Variants in ERICH3 observed in about 807,000 individuals in gnomAD.
ERICH3 encodes the protein glutamate-rich protein 3.
ERICH3 carries 126 observed loss-of-function variants against 131.1 expected under a neutral mutation model. The ratio of observed to expected loss-of-function variants is 0.96; its 90% confidence interval spans 0.83 to 1.11. ERICH3 has a LOEUF of 1.11. Ranked by LOEUF, ERICH3 falls within the 50% of genes most tolerant of loss-of-function variation. The pLI, the probability that ERICH3 is intolerant of heterozygous loss-of-function variation, is 0.00. For missense variants in ERICH3, 2,050 were observed against 1,810.7 expected (o/e 1.13, Z -2.40); for synonymous variants, 695 against 644.6 (o/e 1.08, Z -1.18).
chr1:74,607,447 T>G (rs1239279152), intron 9 of ERICH3, among the ~76,000 whole-genome samples: 1 of 152,024 alleles, frequency 6.6e-6, no homozygotes, highest in Non-Finnish European at 1.5e-5. Context: ...CTTACAAGAT[T>G]GGCTCTAAAT....
chr1:74,596,283 T>A (rs1647844959), intron 11 of ERICH3, among the ~76,000 whole-genome samples: 2 of 152,088 alleles, frequency 1.3e-5, no homozygotes, highest in Admixed American at 1.3e-4. Flanking sequence ...AATCTCAATC[T>A]GTCTAATCTT....
At chr1:74,643,852 CTTG>C (rs1226682803) in intron 3 of ERICH3, among the ~76,000 whole-genome samples, 4 of 152,122 alleles carry the variant, frequency 2.6e-5, no homozygotes, top group African/African-American at 9.6e-5. Context: ...TTCACAAAAC[CTTG>C]TTGTCCCTGT....
At chr1:74,605,881 G>C (rs1236324118) in intron 10 of ERICH3, among the ~76,000 whole-genome samples, 1 of 151,790 alleles carries the variant, frequency 6.6e-6, no homozygotes, top group South Asian at 2.1e-4. Context: ...TTGGTGCAGG[G>C]TTGCCACAAA....
At chr1:74,607,608 T>A (rs1211809033) in intron 9 of ERICH3, among the ~76,000 whole-genome samples, 2 of 152,020 alleles carry the variant, frequency 1.3e-5, no homozygotes, top group Non-Finnish European at 2.9e-5. Context: ...AGTCTTCTGG[T>A]GATTTTTGCT....
intron 5 of ERICH3, among the ~76,000 whole-genome samples, chr1:74,639,524 T>A (rs188952011): frequency 6.6e-6 from 1 of 152,196 alleles, no homozygotes; most frequent in African/African-American, 2.4e-5. Context: ...TTTCTTGGAA[T>A]AAATATGGCA....
chr1:74,614,190 C>G (rs767166823), intron 8 of ERICH3, among the ~76,000 whole-genome samples: 5 of 152,116 alleles, frequency 3.3e-5, no homozygotes, highest in African/African-American at 4.8e-5. Context: ...GAACTCTAAT[C>G]TAGACATTAG....
At chr1:74,641,486 TAGA>T (rs1488350154) in intron 4 of ERICH3, 27 bp from the exon 5 acceptor site, 12 of 1,604,540 alleles carry the variant, frequency 7.5e-6, no homozygotes, top group Non-Finnish European at 1.0e-5. Flanking sequence ...ATTTAGCAAA[TAGA>T]TGCATAGTTA....
At chr1:74,623,168 C>G (rs1275638592) in intron 7 of ERICH3, 1 of 152,188 alleles carries the variant, frequency 6.6e-6, no homozygotes, top group African/African-American at 2.4e-5. Context: ...ATTTGAAGAA[C>G]AGGAACAAGG....
At chr1:74,578,730 C>T (rs1011749363) in intron 12 of ERICH3, among the ~76,000 whole-genome samples, 3 of 145,782 alleles carry the variant, frequency 2.1e-5, no homozygotes, top group Non-Finnish European at 3.0e-5. Flanking sequence ...CCTCCTCCCC[C>T]GATATTCTGT....
chr1:74,585,727 A>G (rs924335790), intron 12 of ERICH3, among the ~76,000 whole-genome samples: 12 of 151,422 alleles, frequency 7.9e-5, no homozygotes, highest in African/African-American at 2.4e-4. Flanking sequence ...TTCTACCTAC[A>G]GTTCCAGTCA....
chr1:74,657,408 C>A (rs949414245), intron 1 of ERICH3, among the ~76,000 whole-genome samples: 1 of 152,158 alleles, frequency 6.6e-6, no homozygotes, highest in Non-Finnish European at 1.5e-5. Context: ...TAAGAAAACT[C>A]TTTGCCAACT....
At position 74,606,841 on chromosome 1, in the gene ERICH3, T is replaced by G; in HGVS notation, c.1249A>C (p.Ser417Arg). ...TTCAGTTCCTCTCCTTTCTCAGTGC[T>G]CTTTTCTTTCCTAGATTTCGGCAAA... ...PSLPKSRKEK[S>R]TEKGEELKKA... The change falls in exon 10 of 15, where the codon AGC (serine) becomes CGC (arginine). Residue 417 changes from serine (S) to arginine (R), a missense_variant. Transcript: ENST00000326665. 1 of 1,612,856 alleles carries G rather than the reference T, an allele frequency of 6.2e-7. No individual in the cohort carries two copies.
intron 8 of ERICH3, among the ~76,000 whole-genome samples, chr1:74,619,342 A>G (rs1649115005): frequency 6.6e-6 from 1 of 152,232 alleles, no homozygotes; most frequent in African/African-American, 2.4e-5. Context: ...ATTTTGTTGA[A>G]TAAAGTGTGA....
intron 4 of ERICH3, among the ~76,000 whole-genome samples, chr1:74,641,730 A>G (rs1237512826): frequency 1.3e-5 from 2 of 152,104 alleles, no homozygotes; most frequent in African/African-American, 4.8e-5. Context: ...AAAAGGCATA[A>G]TGAGCTTTAC....
chr1:74,572,398 T>C lies in ERICH3; in HGVS notation c.3312A>G (p.Glu1104=). The stretch of plus-strand genomic sequence containing the variant: ...CCTCAGCTCTTACTTCTGTCTCTGT[T>C]TCCCCTTCTTCCGCTTTAAGTTTTT... ...EEQKLKAEEG[E]TETEVRAEEE... Residue 1104 remains glutamate, a synonymous_variant, in exon 14 of 15, where the codon GAA becomes GAG. Transcript: ENST00000326665. 1 of 1,613,796 alleles carries C rather than the reference T, an allele frequency of 6.2e-7. No homozygotes were observed. Among genetic ancestry groups the C allele is most frequent in the Non-Finnish European group, 8.5e-7 (1 of 1,180,010 alleles).
At chr1:74,582,706 C>T (rs141386237) in intron 12 of ERICH3, among the ~76,000 whole-genome samples, 1 of 152,026 alleles carries the variant, frequency 6.6e-6, no homozygotes, top group Non-Finnish European at 1.5e-5. Context: ...TTAATATCTA[C>T]TAGTCAAGAT....
intron 5 of ERICH3, among the ~76,000 whole-genome samples, chr1:74,637,792 T>A (rs1234867621): frequency 6.6e-6 from 1 of 151,904 alleles, no homozygotes; most frequent in Admixed American, 6.6e-5. Flanking sequence ...TGATGATGTG[T>A]GCCAGCTACT....
intron 9 of ERICH3, among the ~76,000 whole-genome samples, chr1:74,612,095 C>T (rs1422680741): frequency 1.3e-5 from 2 of 152,122 alleles, no homozygotes; most frequent in Admixed American, 1.3e-4. Context: ...TCAAAACTGA[C>T]CTTTTATCAT....
chr1:74,646,716 A>T lies in ERICH3; in HGVS notation c.194T>A (p.Ile65Asn). 6.7e-7 allele frequency: 1 copy of T among 1,491,734 alleles called. No homozygotes were observed. Among genetic ancestry groups the T allele is most frequent in the Non-Finnish European group, 9.1e-7 (1 of 1,101,464 alleles). 92.4% of individuals were successfully genotyped at this position (1,491,734 alleles called of 1,614,324 possible). A position where few individuals can be genotyped will look rare whatever the true frequency, so the allele number is the denominator to read the frequency against. The change falls in exon 3 of 15, where the codon ATC (isoleucine) becomes AAC (asparagine). Residue 65 changes from isoleucine (I) to asparagine (N), a missense_variant. Transcript: ENST00000326665. ...NMMKRDHQKY[I>N]RECLAQAIFH... is the part of the protein sequence containing the mutation. The stretch of plus-strand genomic sequence containing the variant: ...AATTGCCTGGGCTAAGCATTCCCGG[A>T]TATATTTTTGATGATCCCGCTTCAT...
Sources: gnomAD v4.1 joint callset for allele counts (sites outside exome capture counted in the v4.1 genomes callset) on GRCh38, gnomAD v4.1.1 for gene constraint, MANE v1.5 for transcripts, NCBI Gene and HGNC (gene_info 2026-07-23, HGNC 2026-07-21) for gene names.